The following SV2B variants were observed in gnomAD, a reference collection of about 807,000 sequenced individuals.
SV2B encodes the protein synaptic vesicle glycoprotein 2B.
A neutral mutation model predicts 73.9 loss-of-function variants in SV2B; 41 were observed. That is an observed-to-expected ratio of 0.56 (90% CI 0.43 to 0.72). The LOEUF is 0.72. SV2B is among the 30% of genes least tolerant of loss of function. SV2B has a pLI of 0.00. For missense variants in SV2B, 764 were observed against 857.8 expected, an observed-to-expected ratio of 0.89 and a Z score of 1.37; for synonymous variants, 314 against 314.2, an observed-to-expected ratio of 1.00 and a Z score of 0.01.
At chr15:91,158,357 A>T (rs1042318380) in intron 1 of SV2B, among the ~76,000 whole-genome samples, 1 of 152,074 alleles carries the variant, frequency 6.6e-6, no homozygotes, top group East Asian at 1.9e-4. Flanking sequence ...GGCTAGGGGG[A>T]TTACAAGGTG....
chr15:91,199,891 T>C (rs1419240133), intron 1 of SV2B, among the ~76,000 whole-genome samples: 1 of 151,758 alleles, frequency 6.6e-6, no homozygotes, highest in Admixed American at 6.6e-5. Context: ...TTAAGTGCAC[T>C]TCCCACAGCC....
At chr15:91,219,481 G>GA (rs533318891) in intron 1 of SV2B, among the ~76,000 whole-genome samples, 5 of 151,840 alleles carry the variant, frequency 3.3e-5, no homozygotes, top group South Asian at 2.1e-4. Flanking sequence ...AGATTCTAGT[G>GA]AAAAAAAATC....
rs1025495053 is a variant in SV2B at position 91,300,659 on chromosome 15, G to C, written c.*8107G>C. On this transcript the variant is annotated 3_prime_UTR_variant, in exon 13 of 13. Transcript: ENST00000394232. ...TTTCCTGTTCTTCCCTGAAAGTCAGGCCAGTGGTCTCGAATCATTCCCACA... is the reference window on the plus strand; with the variant it reads ...TTTCCTGTTCTTCCCTGAAAGTCAGCCCAGTGGTCTCGAATCATTCCCACA... The C allele has an allele frequency of 5.9e-5, 9 of 152,180 alleles. No homozygotes were observed. The highest frequency in any genetic ancestry group is 2.2e-4 in the African/African-American group (9 of 41,440). 9.4% of individuals were successfully genotyped at this position (152,180 alleles called of 1,614,324 possible).
At chr15:91,149,099 T>C (rs915524045) in intron 1 of SV2B, among the ~76,000 whole-genome samples, 1 of 152,226 alleles carries the variant, frequency 6.6e-6, no homozygotes, top group Admixed American at 6.5e-5. Context: ...GACTTCAAGA[T>C]CTATTGAAAA....
At chr15:91,211,063 T>TG (rs2045839648) in intron 1 of SV2B, among the ~76,000 whole-genome samples, 1 of 151,914 alleles carries the variant, frequency 6.6e-6, no homozygotes, top group South Asian at 2.1e-4. Flanking sequence ...AAGGAGAAAA[T>TG]GAAGTTGGAG....
intron 1 of SV2B, among the ~76,000 whole-genome samples, chr15:91,131,662 A>G (rs551124517): frequency 2.7e-5 from 4 of 149,546 alleles, no homozygotes; most frequent in African/African-American, 9.9e-5. Context: ...AAAAAAAAAA[A>G]CAAAAAAAAC....
rs8032476 is a variant in SV2B at position 91,300,003 on chromosome 15, G to C, written c.*7451G>C. On this transcript the variant is annotated 3_prime_UTR_variant, in exon 13 of 13. Transcript: ENST00000394232. ...ATGGAGATATTTTTGACATGTAAAAGTAGAAAACAAACCATCCATAGTGTG... is the reference window on the plus strand; with the variant it reads ...ATGGAGATATTTTTGACATGTAAAACTAGAAAACAAACCATCCATAGTGTG... The C allele has an allele frequency of 2.6e-5, 4 of 152,242 alleles. No homozygotes were observed. Among genetic ancestry groups the C allele is most frequent in the African/African-American group, 9.6e-5 (4 of 41,456 alleles). The allele number at this position is 152,242 out of a possible 1,614,324, so 9.4% of individuals were successfully genotyped here. A position where few individuals can be genotyped will look rare whatever the true frequency, so the allele number is the denominator to read the frequency against.
rs1275073614 is a variant in SV2B at position 91,295,418 on chromosome 15, T to G, written c.*2866T>G. ...AATAAAAATAACTGTAAGAAAACCTTAAGGACTGGGGTTAGAGATTATTTT... is the reference window on the plus strand; with the variant it reads ...AATAAAAATAACTGTAAGAAAACCTGAAGGACTGGGGTTAGAGATTATTTT... On this transcript the variant is annotated 3_prime_UTR_variant, in exon 13 of 13. Coordinates refer to ENST00000394232, the MANE Select transcript of SV2B (RefSeq NM_001323032.3). The G allele has an allele frequency of 6.6e-6, 1 of 152,284 alleles. No homozygotes were observed. The highest frequency in any genetic ancestry group is 2.1e-4 in the South Asian group (1 of 4,820). The allele number at this position is 152,284 out of a possible 1,614,324, so 9.4% of individuals were successfully genotyped here.
intron 1 of SV2B, among the ~76,000 whole-genome samples, chr15:91,117,030 A>C (rs570784060): frequency 3.7e-4 from 57 of 152,290 alleles, no homozygotes; most frequent in African/African-American, 1.3e-3. Flanking sequence ...TGAAAGCTAC[A>C]ATTCAAGATG....
chr15:91,286,912 G>T (rs934923641), intron 11 of SV2B, among the ~76,000 whole-genome samples: 1 of 152,248 alleles, frequency 6.6e-6, no homozygotes, highest in Non-Finnish European at 1.5e-5. Flanking sequence ...TGAAGGATCA[G>T]GGAAGGCCTC....
chr15:91,250,196 A>G (rs2047429149), intron 2 of SV2B, among the ~76,000 whole-genome samples: 1 of 152,210 alleles, frequency 6.6e-6, no homozygotes, highest in South Asian at 2.1e-4. Context: ...CTTGGCATGA[A>G]TGGATGTTTA....
intron 9 of SV2B, among the ~76,000 whole-genome samples, chr15:91,278,096 A>T (rs1596770916): frequency 2.0e-5 from 3 of 152,272 alleles, no homozygotes; most frequent in Admixed American, 1.3e-4. Flanking sequence ...CTGATTCTTC[A>T]TGAGATAATA....
chr15:91,187,907 G>A (rs532111728), intron 1 of SV2B, among the ~76,000 whole-genome samples: 23 of 152,064 alleles, frequency 1.5e-4, no homozygotes, highest in Middle Eastern at 3.4e-3. Context: ...GCTTTGATTC[G>A]TTTTATTTGG....
chr15:91,109,256 C>T (rs1049278400), intron 1 of SV2B, among the ~76,000 whole-genome samples: 2 of 152,202 alleles, frequency 1.3e-5, no homozygotes, highest in South Asian at 2.1e-4. Flanking sequence ...TCTTCCAGAC[C>T]GCTGGGGCCT....
At position 91,227,953 on chromosome 15, in the gene SV2B, A is replaced by G. The variant is rs1281540007; in HGVS notation, c.451+1239A>G. On this transcript the variant is annotated intron_variant, in intron 2 of 12. Coordinates refer to ENST00000394232, the MANE Select transcript of SV2B (RefSeq NM_001323032.3). This position sits in a 1 kb window ranked among gnomAD's most constrained non-coding sequence, Gnocchi z 4.5. ...CACTCAACTCTGTCACTGTAGCACAATAGCAGCTTTGAACAACACGTAAAC... is the reference window on the plus strand; with the variant it reads ...CACTCAACTCTGTCACTGTAGCACAGTAGCAGCTTTGAACAACACGTAAAC... 2.0e-5 allele frequency among the ~76,000 whole-genome samples: 3 copies of G among 152,224 alleles called. No homozygotes were observed. Among genetic ancestry groups the G allele is most frequent in the Non-Finnish European group, 4.4e-5 (3 of 68,036 alleles).
chr15:91,202,170 T>C (rs2045484030), intron 1 of SV2B, among the ~76,000 whole-genome samples: 1 of 152,202 alleles, frequency 6.6e-6, no homozygotes, highest in Admixed American at 6.5e-5. Context: ...TGGTCTTCCC[T>C]AACCTGCTTA....
At chr15:91,276,126 A>G (rs1345767526) in intron 9 of SV2B, among the ~76,000 whole-genome samples, 2 of 149,342 alleles carry the variant, frequency 1.3e-5, no homozygotes, top group Middle Eastern at 3.4e-3. Flanking sequence ...TGGCTTGCAT[A>G]CTTTCTGATG....
intron 2 of SV2B, among the ~76,000 whole-genome samples, chr15:91,233,274 G>A (rs917458146): frequency 6.6e-6 from 1 of 152,138 alleles, no homozygotes. Context: ...CTGGGTGACC[G>A]AGTACATGAT....
chr15:91,261,539 C>T lies in SV2B; in HGVS notation c.1008+1130C>T, dbSNP rs145504776. Among the ~76,000 whole-genome samples the T allele has an allele frequency of 1.5e-3, 222 of 152,168 alleles. 1 individual carries two copies. Among genetic ancestry groups the T allele is most frequent in the Admixed American group, 3.9e-3 (60 of 15,288 alleles). Reference sequence around the variant, plus strand: ...CCTTCTTGTGCACATAGTTCCTTCCCCTTCATGTCCTAGGATTGTTTTATT... The same window carrying T: ...CCTTCTTGTGCACATAGTTCCTTCCTCTTCATGTCCTAGGATTGTTTTATT... On this transcript the variant is annotated intron_variant, in intron 6 of 12. Coordinates refer to ENST00000394232, the MANE Select transcript of SV2B (RefSeq NM_001323032.3). The surrounding 1 kb of genome is among the most constrained non-coding windows in gnomAD (Gnocchi z 4.7).
Sources: gnomAD v4.1 joint callset for allele counts (sites outside exome capture counted in the v4.1 genomes callset) on GRCh38, gnomAD v4.1.1 for gene constraint, Gnocchi (gnomAD v3.1) non-coding constraint, MANE v1.5 for transcripts, NCBI Gene and HGNC (gene_info 2026-07-23, HGNC 2026-07-21) for gene names.